Variants in ST3GAL5 observed in about 807,000 individuals in gnomAD.
ST3GAL5 encodes lactosylceramide alpha-2,3-sialyltransferase.
A neutral mutation model predicts 46.1 loss-of-function variants in ST3GAL5; 25 were observed. The ratio of observed to expected loss-of-function variants is 0.54; its 90% CI spans 0.40 to 0.76. The LOEUF (loss-of-function observed/expected upper bound fraction) is 0.76. Ranked by LOEUF, ST3GAL5 falls within the 30% of genes least tolerant of loss-of-function variation. The probability of loss-of-function intolerance (pLI) is 0.00; values close to 1 mark genes in which losing one functional copy is unlikely to be tolerated. For synonymous variants in ST3GAL5, 182 were observed against 192.7 expected (o/e 0.94, Z 0.46); for missense variants, 431 against 521.2 (o/e 0.83, Z 1.69).
chr2:85,885,554 C>T (rs1001165043), intron 1 of ST3GAL5, among the ~76,000 whole-genome samples: 11 of 152,158 alleles, frequency 7.2e-5, no homozygotes, highest in Admixed American at 2.0e-4. Context: ...TAAGGTCGGG[C>T]GCGGTGGCTC....
At position 85,852,995 on chromosome 2, in the gene ST3GAL5, G is replaced by A. The variant is rs185830987; in HGVS notation, c.319-4791C>T. ...GCCCTGCTTCCTTTAAAGGCACGGT[G>A]TAGGTCTGCAGAGTCCGAGAGAAGA... On this transcript the variant is annotated intron_variant, in intron 3 of 6. Coordinates refer to ENST00000638572, the MANE Select transcript of ST3GAL5 (RefSeq NM_003896.4). 6.4e-5 allele frequency: 84 copies of A among 1,304,266 alleles called. No individual in the cohort carries two copies. The African/African-American group carries it at 1.2e-3, about 19-fold the overall frequency. The allele number at this position is 1,304,266 out of a possible 1,614,324, so 80.8% of individuals were successfully genotyped here. A position where few individuals can be genotyped will look rare whatever the true frequency, so the allele number is the denominator to read the frequency against.
chr2:85,846,342 A>G (rs780237380), intron 5 of ST3GAL5, 35 bp downstream of exon 5: 59 of 1,600,340 alleles, frequency 3.7e-5, no homozygotes, highest in Non-Finnish European at 4.9e-5. Flanking sequence ...TTCACTTTTT[A>G]CTAAGGCAGA....
intron 1 of ST3GAL5, among the ~76,000 whole-genome samples, chr2:85,872,389 C>G (rs1230086084): frequency 1.3e-5 from 2 of 152,062 alleles, no homozygotes; most frequent in Non-Finnish European, 2.9e-5. Context: ...TCGAGATCAG[C>G]CTGGCCAACA....
intron 1 of ST3GAL5, chr2:85,866,308 C>T (rs1253371181): frequency 2.0e-5 from 3 of 152,270 alleles, no homozygotes; most frequent in Non-Finnish European, 2.9e-5. Context: ...CTTTCATTCT[C>T]AACCCCAGTC....
rs933050973 is a variant in ST3GAL5 at position 85,839,312 on chromosome 2, G to C, written c.*832C>G. 1 of 152,150 alleles carries C rather than the reference G, an allele frequency of 6.6e-6. No homozygotes were observed. The highest frequency in any genetic ancestry group is 2.4e-5 in the African/African-American group (1 of 41,412). The allele number at this position is 152,150 out of a possible 1,614,324, so 9.4% of individuals were successfully genotyped here. On this transcript the variant is annotated 3_prime_UTR_variant, in exon 7 of 7. Transcript: ENST00000638572. ...TCCCAAAACATTATTCCTGGAAAGG[G>C]TGTACTCTCCCATGACTCTGGATAA... is the stretch of plus-strand genomic sequence containing the variant.
At chr2:85,853,025 G>A (rs1430578014) in intron 3 of ST3GAL5, 5 of 1,303,530 alleles carry the variant, frequency 3.8e-6, no homozygotes, top group Non-Finnish European at 5.1e-6. Context: ...AGAAGACGAT[G>A]AAGAAGCGGC....
intron 1 of ST3GAL5, among the ~76,000 whole-genome samples, chr2:85,883,932 C>T (rs1353209130): frequency 6.6e-6 from 1 of 152,170 alleles, no homozygotes; most frequent in Non-Finnish European, 1.5e-5. Context: ...ACTCACCTGA[C>T]AGGATGGAGC....
At chr2:85,880,061 T>C (rs999908962) in intron 1 of ST3GAL5, among the ~76,000 whole-genome samples, 15 of 152,330 alleles carry the variant, frequency 9.8e-5, no homozygotes, top group African/African-American at 3.6e-4. Flanking sequence ...CAATAACCCA[T>C]GGTATTCAGT....
intron 1 of ST3GAL5, among the ~76,000 whole-genome samples, chr2:85,873,419 T>C (rs1686170998): frequency 6.6e-6 from 1 of 152,036 alleles, no homozygotes; most frequent in Admixed American, 6.6e-5. Flanking sequence ...GAGGATTTTA[T>C]TCAGGAAGGG....
chr2:85,889,010 C>G, upstream of ST3GAL5: 1 of 895,346 alleles, frequency 1.1e-6, no homozygotes, highest in Non-Finnish European at 1.4e-6. Context: ...CGCTCCCCCG[C>G]TCAGATGCGG....
chr2:85,885,321 T>C lies in ST3GAL5; in HGVS notation c.82+3503A>G, dbSNP rs575787540. On this transcript the variant is annotated intron_variant, in intron 1 of 6. Transcript: ENST00000638572. ...AACACTTCCCTTAGGTCAGAGGCTC[T>C]TGGGGAGCTAAGGGTTCCTCACAGC... Among the ~76,000 whole-genome samples the C allele has an allele frequency of 2.6e-5, 4 of 152,284 alleles. No individual in the cohort carries two copies. In the South Asian group the frequency reaches 6.2e-4, roughly 24 times the overall value.
At chr2:85,858,589 G>A (rs1302998981) in intron 3 of ST3GAL5, among the ~76,000 whole-genome samples, 2 of 152,184 alleles carry the variant, frequency 1.3e-5, no homozygotes, top group Non-Finnish European at 2.9e-5. Flanking sequence ...GATTACAGGT[G>A]TGCGCCATCA....
chr2:85,856,707 C>T (rs554900447), intron 3 of ST3GAL5, among the ~76,000 whole-genome samples: 2 of 151,846 alleles, frequency 1.3e-5, no homozygotes, highest in Non-Finnish European at 2.9e-5. Context: ...GTAGCTAAGA[C>T]TACAGTTGTG....
Sources: gnomAD v4.1 joint callset for allele counts (sites outside exome capture counted in the v4.1 genomes callset) on GRCh38, gnomAD v4.1.1 for gene constraint, MANE v1.5 for transcripts, NCBI Gene and HGNC (gene_info 2026-07-23, HGNC 2026-07-21) for gene names.